KIZ: variants seen among roughly 807,000 people sequenced by gnomAD.
KIZ encodes kizuna centrosomal protein, also known as centrosomal protein kizuna.
KIZ carries 68 observed loss-of-function variants against 79.6 expected under a neutral mutation model. The ratio of observed to expected loss-of-function variants is 0.85; its 90% confidence interval spans 0.70 to 1.05. KIZ has a LOEUF of 1.05. KIZ is among the 50% of genes least tolerant of loss of function. The pLI, the probability that KIZ is intolerant of heterozygous loss-of-function variation, is 0.00. For synonymous variants in KIZ, 280 were observed against 281.8 expected, an observed-to-expected ratio of 0.99 and a Z score of 0.06; for missense variants, 797 against 800.4, an observed-to-expected ratio of 1.00 and a Z score of 0.05.
At chr20:21,173,003 G>A (rs762318947) in intron 6 of KIZ, among the ~76,000 whole-genome samples, 4 of 152,214 alleles carry the variant, frequency 2.6e-5, no homozygotes, top group Non-Finnish European at 5.9e-5. Context: ...AATCCGAACA[G>A]GTGTTGGGGA....
At chr20:21,140,726 C>T (rs1224758097) in intron 3 of KIZ, among the ~76,000 whole-genome samples, 3 of 152,070 alleles carry the variant, frequency 2.0e-5, no homozygotes, top group African/African-American at 7.2e-5. Flanking sequence ...TGCCTGTAAT[C>T]CCAGTGCTTT....
intron 12 of KIZ, chr20:21,245,124 A>T (rs1047651626): frequency 1.3e-5 from 2 of 152,256 alleles, no homozygotes; most frequent in Non-Finnish European, 2.9e-5. Flanking sequence ...AATTAAAGGT[A>T]TAATTTGATT....
chr20:21,220,229 G>A (rs1484755196), intron 9 of KIZ, among the ~76,000 whole-genome samples: 1 of 151,264 alleles, frequency 6.6e-6, no homozygotes, highest in Non-Finnish European at 1.5e-5. Flanking sequence ...TGAATCCTGG[G>A]ATACCAGAAA....
chr20:21,163,271 C>T, intron 6 of KIZ, 112 bp downstream of exon 6: 2 of 719,600 alleles, frequency 2.8e-6, no homozygotes, highest in Non-Finnish European at 4.6e-6. Context: ...TGTGTAAATT[C>T]CTTAAGTCTC....
intron 4 of KIZ, among the ~76,000 whole-genome samples, 166 bp downstream of exon 4, chr20:21,145,820 A>C (rs2032818010): frequency 2.6e-5 from 4 of 152,184 alleles, no homozygotes; most frequent in Admixed American, 2.6e-4. Context: ...TTAATGTCTA[A>C]TTTAATTAAG....
At chr20:21,223,345 A>G (rs887186813) in intron 9 of KIZ, among the ~76,000 whole-genome samples, 1 of 152,214 alleles carries the variant, frequency 6.6e-6, no homozygotes, top group Non-Finnish European at 1.5e-5. Context: ...GTTGCCCCAT[A>G]GAAGTTAAGA....
chr20:21,126,057 G>T (rs1415321329), upstream of KIZ: 11 of 1,402,036 alleles, frequency 7.8e-6, no homozygotes, highest in Middle Eastern at 2.0e-4. Context: ...GGTCTCCTTC[G>T]GCAACCCCGG....
intron 6 of KIZ, among the ~76,000 whole-genome samples, chr20:21,190,328 G>A (rs2035057068): frequency 6.6e-6 from 1 of 152,214 alleles, no homozygotes; most frequent in African/African-American, 2.4e-5. Context: ...ACAAAAGCTA[G>A]CAGCCCGGAA....
chr20:21,187,799 A>G (rs2034948141), intron 6 of KIZ, among the ~76,000 whole-genome samples: 1 of 152,242 alleles, frequency 6.6e-6, no homozygotes, highest in African/African-American at 2.4e-5. Context: ...CTAGAGTTTA[A>G]TGATAGAACT....
At chr20:21,182,894 G>A (rs1310060268) in intron 6 of KIZ, among the ~76,000 whole-genome samples, 1 of 149,710 alleles carries the variant, frequency 6.7e-6, no homozygotes, top group Admixed American at 6.7e-5. Flanking sequence ...CTTTAAATAT[G>A]TGCTCAAGAG....
chr20:21,243,503 C>G (rs1443232860), intron 11 of KIZ, among the ~76,000 whole-genome samples: 1 of 152,142 alleles, frequency 6.6e-6, no homozygotes, highest in Admixed American at 6.5e-5. Context: ...TGGTTTCTCT[C>G]CCAACATCTC....
intron 6 of KIZ, among the ~76,000 whole-genome samples, chr20:21,193,477 C>T (rs1004339722): frequency 4.6e-5 from 7 of 152,070 alleles, no homozygotes; most frequent in African/African-American, 1.7e-4. Context: ...TCTAGAAATA[C>T]CATTTGACCC....
At chr20:21,147,786 G>C (rs999362012) in intron 4 of KIZ, among the ~76,000 whole-genome samples, 2 of 152,188 alleles carry the variant, frequency 1.3e-5, no homozygotes, top group African/African-American at 4.8e-5. Context: ...AGAAGATTCT[G>C]CTTCCTGTGA....
intron 11 of KIZ, among the ~76,000 whole-genome samples, chr20:21,242,246 C>T (rs1600634232): frequency 6.6e-6 from 1 of 152,304 alleles, no homozygotes; most frequent in East Asian, 1.9e-4. Flanking sequence ...AGTGGGAAGG[C>T]TCCAGCAGGA....
chr20:21,140,454 G>C (rs770586320), intron 3 of KIZ, among the ~76,000 whole-genome samples: 1 of 152,144 alleles, frequency 6.6e-6, no homozygotes, highest in African/African-American at 2.4e-5. Flanking sequence ...ACTTTGTAGA[G>C]GTGGGCTGGG....
At chr20:21,155,389 CATT>C (rs1310239330) in intron 4 of KIZ, among the ~76,000 whole-genome samples, 2 of 145,678 alleles carry the variant, frequency 1.4e-5, no homozygotes, top group African/African-American at 4.9e-5. Context: ...ACCTTGAAAA[CATT>C]GTGCTAAGTG....
intron 6 of KIZ, among the ~76,000 whole-genome samples, chr20:21,168,710 G>T (rs1222023679): frequency 6.6e-6 from 1 of 152,138 alleles, no homozygotes; most frequent in African/African-American, 2.4e-5. Flanking sequence ...AACCAAAACA[G>T]CATGGTACTG....
Position 21,136,400 on chromosome 20 carries a change from A to T in KIZ, c.163A>T (p.Lys55Ter). Residue 55 changes from lysine to a stop codon, truncating the protein, a stop_gained, in exon 3 of 13, where the codon AAA becomes TAA. Transcript: ENST00000619189. LOFTEE classifies it high-confidence loss of function. ...CTTTTAATTTTCTAGAGTTAAGCTG[A>T]AATATGTAAAACTAAAGAATTATCT... ...NQSDTCRVKLKYVKLKNYLKE... is the reference protein window; with the variant it reads ...NQSDTCRVKL 1 of 1,522,334 alleles carries T rather than the reference A, an allele frequency of 6.6e-7. No individual in the cohort carries two copies. The highest frequency in any genetic ancestry group is 8.9e-7 in the Non-Finnish European group (1 of 1,118,454). The allele number at this position is 1,522,334 out of a possible 1,614,324, so 94.3% of individuals were successfully genotyped here.
chr20:21,240,586 G>A (rs925804384), intron 11 of KIZ, among the ~76,000 whole-genome samples: 1 of 152,326 alleles, frequency 6.6e-6, no homozygotes, highest in African/African-American at 2.4e-5. Flanking sequence ...TCCAAGAGTC[G>A]CTCCTGAGCC....
Sources: allele counts gnomAD v4.1 joint callset (sites outside exome capture counted in the v4.1 genomes callset), GRCh38; gene constraint gnomAD v4.1.1; transcripts MANE v1.5; gene names NCBI Gene and HGNC (gene_info 2026-07-23, HGNC 2026-07-21).